The following SPTLC3 variants were observed in gnomAD, a reference collection of about 807,000 sequenced individuals.
The protein encoded by SPTLC3 is serine palmitoyltransferase 3.
SPTLC3 carries 36 observed loss-of-function variants against 59.3 expected under a neutral mutation model. The ratio of observed to expected loss-of-function variants is 0.61; its 90% confidence interval spans 0.47 to 0.80. The LOEUF (loss-of-function observed/expected upper bound fraction) is 0.80, where lower values mean the gene tolerates loss of function less well. Among genes scored for constraint, SPTLC3 ranks in the 30% least tolerant of loss-of-function variants. The pLI is 0.00. For synonymous variants in SPTLC3, 257 were observed against 240.8 expected (o/e 1.07, Z -0.62); for missense variants, 625 against 685.1 (o/e 0.91, Z 0.98).
intron 4 of SPTLC3, among the ~76,000 whole-genome samples, chr20:13,082,883 A>G (rs937102723): frequency 1.3e-5 from 2 of 152,122 alleles, no homozygotes; most frequent in African/African-American, 4.8e-5. Flanking sequence ...GGCCAGTGAT[A>G]TCAACTTGAA....
intron 4 of SPTLC3, among the ~76,000 whole-genome samples, chr20:13,076,749 G>T (rs191889462): frequency 2.1e-4 from 32 of 152,196 alleles, no homozygotes; most frequent in Admixed American, 1.6e-3. Context: ...ATTTCAAAGG[G>T]TGAAAAATAG....
intron 2 of SPTLC3, among the ~76,000 whole-genome samples, chr20:13,055,393 G>A (rs1987679175): frequency 6.6e-6 from 1 of 152,032 alleles, no homozygotes; most frequent in African/African-American, 2.4e-5. Context: ...TTCTCACAGT[G>A]ATCTCCATGG....
chr20:13,156,927 C>T (rs1359619864), intron 10 of SPTLC3, among the ~76,000 whole-genome samples: 1 of 152,134 alleles, frequency 6.6e-6, no homozygotes, highest in Non-Finnish European at 1.5e-5. Flanking sequence ...GGTAAAGATC[C>T]TGCTACACTC....
chr20:13,143,427 A>G (rs549787182), intron 9 of SPTLC3, among the ~76,000 whole-genome samples: 1 of 152,254 alleles, frequency 6.6e-6, no homozygotes, highest in Non-Finnish European at 1.5e-5. Context: ...TCATAACAGT[A>G]TGCAGTGGGC....
intron 6 of SPTLC3, among the ~76,000 whole-genome samples, chr20:13,093,820 A>G (rs150400119): frequency 1.7e-3 from 258 of 152,316 alleles, no homozygotes; most frequent in African/African-American, 5.9e-3. Flanking sequence ...TGGTTTTGCA[A>G]TGTGGCCTCT....
intron 4 of SPTLC3, among the ~76,000 whole-genome samples, chr20:13,076,770 C>T (rs969508492): frequency 3.3e-5 from 5 of 152,010 alleles, no homozygotes; most frequent in Non-Finnish European, 4.4e-5. Flanking sequence ...AAAGATAGGT[C>T]CCACCGGGTA....
intron 4 of SPTLC3, among the ~76,000 whole-genome samples, chr20:13,089,627 A>G (rs1443689965): frequency 6.6e-6 from 1 of 152,054 alleles, no homozygotes; most frequent in East Asian, 1.9e-4. Context: ...CTCTACTAAA[A>G]TACAAAAAAT....
chr20:13,096,320 G>T (rs928165730), intron 6 of SPTLC3, among the ~76,000 whole-genome samples: 10 of 151,962 alleles, frequency 6.6e-5, no homozygotes, highest in Non-Finnish European at 1.3e-4. Context: ...TAAAAGTCTT[G>T]TACAAGAATG....
At chr20:13,101,393 A>C (rs1409950121) in intron 6 of SPTLC3, among the ~76,000 whole-genome samples, 1 of 152,202 alleles carries the variant, frequency 6.6e-6, no homozygotes, top group Admixed American at 6.5e-5. Context: ...CCTTGTGTAA[A>C]ACTCAGTCCA....
intron 2 of SPTLC3, among the ~76,000 whole-genome samples, chr20:13,056,873 A>G (rs976689581): frequency 6.6e-6 from 1 of 151,318 alleles, no homozygotes; most frequent in Admixed American, 6.6e-5. Context: ...TCTCAAGTAG[A>G]TGGGACTACA....
chr20:13,024,073 A>C (rs947595353), intron 1 of SPTLC3, among the ~76,000 whole-genome samples: 3 of 152,186 alleles, frequency 2.0e-5, no homozygotes, highest in African/African-American at 7.2e-5. Context: ...ATTGCACTAC[A>C]TGCTAAGAAC....
intron 1 of SPTLC3, among the ~76,000 whole-genome samples, chr20:13,044,104 CTTTTTTT>C (rs61675971): frequency 2.3e-5 from 3 of 127,872 alleles, no homozygotes; most frequent in Non-Finnish European, 5.1e-5. Context: ...TCTTTTTTTT[CTTTTTTT>C]TTTTTTGAGA....
chr20:13,122,458 T>C (rs1296687046), intron 8 of SPTLC3, among the ~76,000 whole-genome samples: 1 of 152,192 alleles, frequency 6.6e-6, no homozygotes, highest in Non-Finnish European at 1.5e-5. Context: ...ACACCAAGCT[T>C]ACTCTTCTGG....
chr20:13,024,398 CCTAT>C (rs765995471), intron 1 of SPTLC3, among the ~76,000 whole-genome samples: 175 of 152,106 alleles, frequency 1.2e-3, no homozygotes, highest in African/African-American at 2.6e-3. Context: ...TACTTGTCTA[CCTAT>C]CTATCTATCT....
At chr20:13,127,751 C>T (rs2038027837) in intron 9 of SPTLC3, among the ~76,000 whole-genome samples, 1 of 152,154 alleles carries the variant, frequency 6.6e-6, no homozygotes, top group South Asian at 2.1e-4. Context: ...TTCTTTTTCA[C>T]TAAAGCAGGG....
chr20:13,032,499 T>C (rs931321163), intron 1 of SPTLC3, among the ~76,000 whole-genome samples: 3 of 152,292 alleles, frequency 2.0e-5, no homozygotes, highest in East Asian at 3.9e-4. Flanking sequence ...ATACAGCTTA[T>C]CACCAAGTAT....
At chr20:13,063,637 T>TTTTATTTA (rs58141093) in intron 2 of SPTLC3, among the ~76,000 whole-genome samples, 24,348 of 145,594 alleles carry the variant, frequency 0.17, 2,491 homozygotes, top group African/African-American at 0.28. Context: ...TTTTTTTAAA[T>TTTTATTTA]TTTATTTATT....
intron 6 of SPTLC3, 29 bp from the exon 7 acceptor site, chr20:13,110,083 T>G: frequency 6.4e-7 from 1 of 1,563,836 alleles, no homozygotes; most frequent in Non-Finnish European, 8.7e-7. Context: ...CTTTCATGAC[T>G]CAATTTTTTT....
chr20:13,094,424 C>T (rs139162519), intron 6 of SPTLC3, among the ~76,000 whole-genome samples: 9 of 152,240 alleles, frequency 5.9e-5, no homozygotes, highest in Admixed American at 2.0e-4. Flanking sequence ...CATGCACACA[C>T]GTGTACACAC....
Sources: allele counts gnomAD v4.1 joint callset (sites outside exome capture counted in the v4.1 genomes callset), GRCh38; gene constraint gnomAD v4.1.1; transcripts MANE v1.5; gene names NCBI Gene and HGNC (gene_info 2026-07-23, HGNC 2026-07-21).